The following MYH9 variants were observed in gnomAD, a reference collection of about 807,000 sequenced individuals.
MYH9 encodes myosin-9.
MYH9 carries 29 observed loss-of-function variants against 241.9 expected under a neutral mutation model. The ratio of observed to expected loss-of-function variants is 0.12; its 90% CI spans 0.09 to 0.16. MYH9 has a LOEUF of 0.16. MYH9 is among the 10% of genes least tolerant of loss of function. The pLI is 1.00. For synonymous variants in MYH9, 1,047 were observed against 1,062.6 expected, an observed-to-expected ratio of 0.99 and a Z score of 0.29; for missense variants, 1,803 against 2,595.5, an observed-to-expected ratio of 0.69 and a Z score of 6.63.
At chr22:36,359,204 T>C (rs1457039977) in intron 1 of MYH9, among the ~76,000 whole-genome samples, 2 of 152,270 alleles carry the variant, frequency 1.3e-5, no homozygotes, top group Non-Finnish European at 2.9e-5. Context: ...TTTGTAGTTT[T>C]ATTTGAGGAC....
intron 1 of MYH9, among the ~76,000 whole-genome samples, chr22:36,357,051 T>C (rs2017867427): frequency 6.6e-6 from 1 of 152,188 alleles, no homozygotes; most frequent in African/African-American, 2.4e-5. Context: ...ATTCCTTAAA[T>C]ACACATAATG....
chr22:36,292,278 G>A (rs2016718640), intron 30 of MYH9, 44 bp from the exon 31 acceptor site: 1 of 1,610,990 alleles, frequency 6.2e-7, no homozygotes, highest in Admixed American at 1.7e-5. Context: ...GATGGCACCT[G>A]CTCAGGTGGC....
Position 36,293,881 on chromosome 22 carries a change from A to G in MYH9, c.3838-18T>C. 1.2e-6 allele frequency: 2 copies of G among 1,607,666 alleles called. No homozygotes were observed. Among genetic ancestry groups the G allele is most frequent in the Non-Finnish European group, 1.7e-6 (2 of 1,176,784 alleles). On this transcript the variant is annotated intron_variant, in intron 28 of 40. Coordinates refer to ENST00000216181, the MANE Select transcript of MYH9 (RefSeq NM_002473.6). The surrounding 1 kb of genome is among the most constrained non-coding windows in gnomAD (Gnocchi z 5.1). ...AGCTCCACCTGCACCGGGCGGGGAGACACAAAGGACCATGGACCCACCCCC... is the reference window on the plus strand; with the variant it reads ...AGCTCCACCTGCACCGGGCGGGGAGGCACAAAGGACCATGGACCCACCCCC...
At chr22:36,365,084 G>A (rs1039576005) in intron 1 of MYH9, 1 of 151,882 alleles carries the variant, frequency 6.6e-6, no homozygotes, top group Non-Finnish European at 1.5e-5. Flanking sequence ...CCAGAGCTGG[G>A]CTCGGGGCAG....
At chr22:36,316,425 G>T in intron 12 of MYH9, 92 bp downstream of exon 12, 1 of 1,584,148 alleles carries the variant, frequency 6.3e-7, no homozygotes, top group Non-Finnish European at 8.7e-7. Flanking sequence ...TCAGATCGAT[G>T]CAGGACCATG....
chr22:36,283,548 A>C (rs186094147), intron 40 of MYH9, among the ~76,000 whole-genome samples: 2,598 of 151,506 alleles, frequency 0.017, 43 homozygotes, highest in Middle Eastern at 0.041. Flanking sequence ...AAAAAAAAAA[A>C]ACAAAAAAAA....
intron 1 of MYH9, among the ~76,000 whole-genome samples, chr22:36,372,803 C>A (rs1396743355): frequency 6.6e-6 from 1 of 152,110 alleles, no homozygotes; most frequent in Non-Finnish European, 1.5e-5. Context: ...GAAACTTTCC[C>A]ATAAGCAAAC....
At chr22:36,292,371 T>C (rs904618335) in intron 30 of MYH9, 137 bp from the exon 31 acceptor site, 3 of 1,157,386 alleles carry the variant, frequency 2.6e-6, no homozygotes, top group Non-Finnish European at 3.8e-6. Context: ...TGAAACCGCC[T>C]CCCCCAGTCA....
chr22:36,291,240 G>C (rs1445752800), intron 31 of MYH9, among the ~76,000 whole-genome samples: 1 of 152,238 alleles, frequency 6.6e-6, no homozygotes, highest in Non-Finnish European at 1.5e-5. Context: ...AATAGAAAGG[G>C]GGGAAAGGTG....
At position 36,286,152 on chromosome 22, in the gene MYH9, T is replaced by C. The variant is rs965647473; in HGVS notation, c.5062-199A>G. The stretch of plus-strand genomic sequence containing the variant: ...AAACACCATATGTTTATAAAACTCT[T>C]ACATTTAAGTGCTAGGAATCAAGCC... On this transcript the variant is annotated intron_variant, in intron 35 of 40. Transcript: ENST00000216181. 4.9e-5 allele frequency: 31 copies of C among 629,092 alleles called. 1 individual carries two copies. Among genetic ancestry groups the C allele is most frequent in the South Asian group, 4.8e-4 (26 of 53,620 alleles). The allele number at this position is 629,092 out of a possible 1,614,324, so 39.0% of individuals were successfully genotyped here.
chr22:36,295,561 A>C lies in MYH9; in HGVS notation c.3429T>G (p.Ala1143=), dbSNP rs710181. 1,574,417 of 1,613,802 alleles carry C rather than the reference A, an allele frequency of 0.98. 768,040 individuals carry two copies. Among genetic ancestry groups the C allele is most frequent in the East Asian group, 1 (44,850 of 44,870 alleles). The part of the protein sequence containing the change: ...QKRDLGEELE[A]LKTELEDTLD... ...GCGTGTCCTCCAACTCTGTTTTCAG[A>C]GCCTCTAGCTCTTCCCCAAGGTCCC... Residue 1143 remains alanine, a synonymous_variant, in exon 26 of 41, where the codon GCT becomes GCG. Coordinates refer to ENST00000216181, the MANE Select transcript of MYH9 (RefSeq NM_002473.6). This position sits in a 1 kb window ranked among gnomAD's most constrained non-coding sequence, Gnocchi z 4.1.
chr22:36,334,855 C>T (rs1214768042), intron 3 of MYH9, among the ~76,000 whole-genome samples: 5 of 152,258 alleles, frequency 3.3e-5, no homozygotes, highest in Non-Finnish European at 5.9e-5. Flanking sequence ...GACAAAGGCT[C>T]AATTAGAGTG....
intron 1 of MYH9, among the ~76,000 whole-genome samples, chr22:36,351,755 C>T (rs1330532377): frequency 6.6e-6 from 1 of 152,032 alleles, no homozygotes; most frequent in Admixed American, 6.6e-5. Flanking sequence ...ACCTCAAACC[C>T]ACAAAGGATA....
rs2016769289 is a variant in MYH9 at position 36,295,169 on chromosome 22, G to A, written c.3486-93C>T. On this transcript the variant is annotated intron_variant, in intron 26 of 40. Transcript: ENST00000216181. This position sits in a 1 kb window ranked among gnomAD's most constrained non-coding sequence, Gnocchi z 4.1. ...CCCTGACCAAAGAGAGGCCTGGCCA[G>A]GGCACAGGCACTCCAGGCAGCTTTT... 6.4e-7 allele frequency: 1 copy of A among 1,562,762 alleles called. No homozygotes were observed. Among genetic ancestry groups the A allele is most frequent in the Admixed American group, 1.7e-5 (1 of 59,862 alleles).
In MYH9 at chr22:36,295,200, C is replaced by T; in HGVS notation, c.3486-124G>A. 7.6e-7 allele frequency: 1 copy of T among 1,313,594 alleles called. No individual in the cohort carries two copies. The highest frequency in any genetic ancestry group is 1.1e-6 in the Non-Finnish European group (1 of 918,398). 81.4% of individuals were successfully genotyped at this position (1,313,594 alleles called of 1,614,324 possible). On this transcript the variant is annotated intron_variant, in intron 26 of 40. Transcript: ENST00000216181. This position sits in a 1 kb window ranked among gnomAD's most constrained non-coding sequence, Gnocchi z 4.1. ...AGGCACTCCAGGCAGCTTTTCTACC[C>T]ACCGGCCCCTCCTAGCCATCTATCC...
chr22:36,282,156 T>G lies in MYH9; in HGVS notation c.*512A>C. 1.1e-5 allele frequency: 3 copies of G among 280,352 alleles called. No homozygotes were observed. The highest frequency in any genetic ancestry group is 7.6e-5 in the South Asian group (1 of 13,170). 17.4% of individuals were successfully genotyped at this position (280,352 alleles called of 1,614,324 possible). On this transcript the variant is annotated 3_prime_UTR_variant, in exon 41 of 41. Transcript: ENST00000216181. ...TCTGGACCGCCCAGAGCCATGGGAG[T>G]GGGAGGCCCAAGGGGCAGAGGTGTG...
In MYH9 at chr22:36,294,124, T is replaced by C. The variant is rs1244168341; in HGVS notation, c.3805A>G (p.Thr1269Ala). The C allele has an allele frequency of 6.2e-7, 1 of 1,610,930 alleles. No homozygotes were observed. Among genetic ancestry groups the C allele is most frequent in the Non-Finnish European group, 8.5e-7 (1 of 1,179,992 alleles). Reference sequence around the variant, plus strand: ...TTGGTGACCTTGTCGGCCAGCTCTGTGCGCACGCGCTCTCCCTCGTTGAAC... The same window carrying C: ...TTGGTGACCTTGTCGGCCAGCTCTGCGCGCACGCGCTCTCCCTCGTTGAAC... ...VKFNEGERVR[T>A]ELADKVTKLQ... is the part of the protein sequence containing the mutation. Residue 1269 changes from threonine (T) to alanine (A), a missense_variant, in exon 28 of 41, where the codon ACA becomes GCA. Physicochemically the swap from Thr to Ala is moderately conservative, Grantham distance 58 (BLOSUM62 0). Transcript: ENST00000216181.
intron 1 of MYH9, among the ~76,000 whole-genome samples, chr22:36,384,647 T>C (rs1295505502): frequency 1.0e-5 from 1 of 95,756 alleles, no homozygotes; most frequent in Non-Finnish European, 1.9e-5. Context: ...TATATATATA[T>C]ATATACAGCC....
intron 18 of MYH9, 150 bp downstream of exon 18, chr22:36,304,883 C>G (rs1323133743): frequency 1.3e-6 from 1 of 774,130 alleles, no homozygotes; most frequent in Non-Finnish European, 2.2e-6. Flanking sequence ...CTGCAAAGGG[C>G]GCCCGGCAGA....
Sources: gnomAD v4.1 joint callset for allele counts (sites outside exome capture counted in the v4.1 genomes callset) on GRCh38, gnomAD v4.1.1 for gene constraint, Gnocchi (gnomAD v3.1) non-coding constraint, MANE v1.5 for transcripts, NCBI Gene and HGNC (gene_info 2026-07-23, HGNC 2026-07-21) for gene names.